The following PCTP variants were observed in gnomAD, a reference collection of about 807,000 sequenced individuals.
PCTP encodes the protein START domain-containing protein 2.
Under a neutral mutation model 31.0 loss-of-function variants are expected in PCTP, and 27 were observed. The ratio of observed to expected loss-of-function variants is 0.87; its 90% CI spans 0.64 to 1.20. The LOEUF (loss-of-function observed/expected upper bound fraction) is 1.20. Among genes scored for constraint, PCTP ranks in the 50% most tolerant of loss-of-function variants. PCTP has a pLI of 0.00. For missense variants in PCTP, 287 were observed against 268.2 expected (o/e 1.07, Z -0.49); for synonymous variants, 108 against 101.2 (o/e 1.07, Z -0.40).
intron 3 of PCTP, among the ~76,000 whole-genome samples, chr17:55,815,796 C>A (rs1212337604): frequency 6.6e-6 from 1 of 152,170 alleles, no homozygotes; most frequent in Non-Finnish European, 1.5e-5. Context: ...ACTCCCAGGA[C>A]ATCTTTTGCT....
downstream of PCTP, among the ~76,000 whole-genome samples, chr17:55,779,193 A>G (rs1275942374): frequency 6.6e-6 from 1 of 152,230 alleles, no homozygotes; most frequent in Non-Finnish European, 1.5e-5. Context: ...TGGGATAGGC[A>G]TGGCATTTGT....
At chr17:55,843,777 G>A (rs1906060789), downstream of PCTP, among the ~76,000 whole-genome samples, 1 of 152,132 alleles carries the variant, frequency 6.6e-6, no homozygotes, top group Non-Finnish European at 1.5e-5. Context: ...CCAGCTTCCA[G>A]AATAGAGTAA....
At chr17:55,836,376 C>T (rs1055816831) in intron 5 of PCTP, among the ~76,000 whole-genome samples, 5 of 152,192 alleles carry the variant, frequency 3.3e-5, no homozygotes, top group African/African-American at 1.2e-4. Context: ...ACCATTATGT[C>T]TTTAATTATT....
At chr17:55,823,383 CA>C (rs1290295520), downstream of PCTP, among the ~76,000 whole-genome samples, 1 of 152,090 alleles carries the variant, frequency 6.6e-6, no homozygotes, top group Non-Finnish European at 1.5e-5. Context: ...GAAGAAAACA[CA>C]ATTAAGTTCA....
At position 55,811,141 on chromosome 17, in the gene PCTP, A is replaced by C. The variant is rs533898340; in HGVS notation, c.318-11620A>C. Among the ~76,000 whole-genome samples, 15 of 152,312 alleles carry C rather than the reference A, an allele frequency of 9.8e-5. No individual in the cohort carries two copies. In the East Asian group the frequency reaches 2.7e-3, roughly 27 times the overall value. ...TGTTCTTAGCCACTCAGACTATAGGAATCATGCTCAGTTGTCATATATTTC... is the reference window on the plus strand; with the variant it reads ...TGTTCTTAGCCACTCAGACTATAGGCATCATGCTCAGTTGTCATATATTTC... On this transcript the variant is annotated intron_variant, in intron 3 of 3. Coordinates refer to the PCTP transcript ENST00000572536.
At chr17:55,801,610 G>T (rs1912383892) in intron 3 of PCTP, among the ~76,000 whole-genome samples, 1 of 152,154 alleles carries the variant, frequency 6.6e-6, no homozygotes, top group Admixed American at 6.6e-5. Flanking sequence ...GCTCCTGAAT[G>T]ACTTCTAGGT....
intron 2 of PCTP, among the ~76,000 whole-genome samples, chr17:55,786,518 C>A (rs1489427732): frequency 1.3e-5 from 2 of 152,148 alleles, no homozygotes; most frequent in Non-Finnish European, 2.9e-5. Context: ...AAGAAAAGTT[C>A]TCACTTTATG....
At chr17:55,830,011 C>T (rs1284489572) in intron 5 of PCTP, among the ~76,000 whole-genome samples, 2 of 152,134 alleles carry the variant, frequency 1.3e-5, no homozygotes, top group African/African-American at 2.4e-5. Flanking sequence ...CACCAAATAG[C>T]GGCAGCATGT....
intron 1 of PCTP, among the ~76,000 whole-genome samples, chr17:55,764,788 A>G (rs149135595): frequency 3.5e-4 from 53 of 152,314 alleles, no homozygotes; most frequent in African/African-American, 1.2e-3. Context: ...GGCTTCATTC[A>G]TGCATGATTA....
chr17:55,781,104 G>C (rs1387609599), downstream of PCTP, among the ~76,000 whole-genome samples: 2 of 152,042 alleles, frequency 1.3e-5, no homozygotes, highest in Non-Finnish European at 2.9e-5. Flanking sequence ...TCAGGAACCA[G>C]CTCAAATCCT....
intron 3 of PCTP, among the ~76,000 whole-genome samples, chr17:55,810,172 A>G (rs2145043857): frequency 6.6e-6 from 1 of 152,258 alleles, no homozygotes; most frequent in East Asian, 1.9e-4. Context: ...GGCATGCACC[A>G]CTATGTTGGC....
chr17:55,798,211 G>A (rs1912247818), intron 3 of PCTP, among the ~76,000 whole-genome samples: 1 of 151,834 alleles, frequency 6.6e-6, no homozygotes, highest in African/African-American at 2.4e-5. Flanking sequence ...TGTAGAAAAG[G>A]GTCTAAGAGA....
At chr17:55,813,794 G>A (rs914601343) in intron 3 of PCTP, among the ~76,000 whole-genome samples, 19 of 152,142 alleles carry the variant, frequency 1.2e-4, no homozygotes, top group Admixed American at 1.1e-3. Flanking sequence ...TGTAATCCTA[G>A]AACTTTGGGA....
intron 3 of PCTP, among the ~76,000 whole-genome samples, chr17:55,803,904 A>AAAAAAC (rs1025395326): frequency 9.2e-5 from 14 of 151,836 alleles, no homozygotes; most frequent in African/African-American, 3.4e-4. Context: ...AAAAAAAAAA[A>AAAAAAC]ACCAGGATCA....
intron 5 of PCTP, among the ~76,000 whole-genome samples, chr17:55,839,941 A>AC (rs1343333687): frequency 2.0e-5 from 3 of 150,492 alleles, no homozygotes; most frequent in African/African-American, 7.3e-5. Flanking sequence ...AAAAAAAAAA[A>AC]AAAAAACAAC....
At chr17:55,847,907 TTTTTTGTTTTTG>T in the PCTP span, among the ~76,000 whole-genome samples, 14 of 152,052 alleles carry the variant, frequency 9.2e-5, no homozygotes, top group Non-Finnish European at 1.3e-4. Context: ...CAGAATAATG[TTTTTTGTTTTTG>T]TTTTTGTTTT....
intron 5 of PCTP, among the ~76,000 whole-genome samples, chr17:55,840,663 A>G (rs369185616): frequency 6.6e-6 from 1 of 152,190 alleles, no homozygotes; most frequent in African/African-American, 2.4e-5. Context: ...TAATTGTTCT[A>G]TTTTATCATT....
downstream of PCTP, among the ~76,000 whole-genome samples, chr17:55,827,740 T>A (rs1304096208): frequency 2.0e-5 from 3 of 152,208 alleles, no homozygotes; most frequent in African/African-American, 7.2e-5. Flanking sequence ...CCATTCTGCC[T>A]CTCTGGGAAA....
chr17:55,767,799 T>C (rs1031920652), intron 2 of PCTP, among the ~76,000 whole-genome samples: 3 of 60,390 alleles, frequency 5.0e-5, no homozygotes, highest in African/African-American at 1.4e-4. Flanking sequence ...CATTAAAAAG[T>C]AGATCTATTC....
Sources: allele counts gnomAD v4.1 joint callset (sites outside exome capture counted in the v4.1 genomes callset), GRCh38; gene constraint gnomAD v4.1.1; transcripts MANE v1.5; gene names NCBI Gene and HGNC (gene_info 2026-07-23, HGNC 2026-07-21).